ADCY2: variants seen among roughly 807,000 people sequenced by gnomAD.
ADCY2 encodes the protein adenylate cyclase 2, also known as adenylate cyclase type 2.
Under a neutral mutation model 125.2 loss-of-function variants are expected in ADCY2, and 31 were observed. That is an observed-to-expected ratio of 0.25 (90% CI 0.19 to 0.33). ADCY2 has a LOEUF of 0.33. Among genes scored for constraint, ADCY2 ranks in the 10% least tolerant of loss-of-function variants. ADCY2 has a pLI of 1.00. For synonymous variants in ADCY2, 512 were observed against 548.4 expected, an observed-to-expected ratio of 0.93 and a Z score of 0.93; for missense variants, 904 against 1,418.2, an observed-to-expected ratio of 0.64 and a Z score of 5.82.
chr5:7,497,509 G>A (rs1359365195), intron 2 of ADCY2, among the ~76,000 whole-genome samples: 9 of 151,732 alleles, frequency 5.9e-5, no homozygotes, highest in Admixed American at 2.6e-4. Context: ...TAGTTGAGGC[G>A]GCCTCATAAT....
At chr5:7,589,518 A>AGAAAAG (rs199516495) in intron 3 of ADCY2, among the ~76,000 whole-genome samples, 24 of 98,420 alleles carry the variant, frequency 2.4e-4, no homozygotes, top group African/African-American at 7.7e-4. Context: ...AAGAAAAGAA[A>AGAAAAG]AGAAAGAGAA....
chr5:7,706,420 G>A (rs1412766488), intron 7 of ADCY2, among the ~76,000 whole-genome samples: 1 of 152,202 alleles, frequency 6.6e-6, no homozygotes, highest in Non-Finnish European at 1.5e-5. Context: ...CGTGATTCTA[G>A]TATGAAAATG....
At chr5:7,790,941 G>A (rs1371178384) in intron 20 of ADCY2, among the ~76,000 whole-genome samples, 3 of 152,108 alleles carry the variant, frequency 2.0e-5, no homozygotes, top group South Asian at 2.1e-4. Flanking sequence ...TGCTTGAGCC[G>A]AGGGATGATT....
intron 18 of ADCY2, among the ~76,000 whole-genome samples, chr5:7,780,416 G>A (rs1743880945): frequency 6.6e-6 from 1 of 152,154 alleles, no homozygotes; most frequent in African/African-American, 2.4e-5. Context: ...ACAAAGCCAG[G>A]CATTTTCTAA....
rs554247129 is a variant in ADCY2 at position 7,767,773 on chromosome 5, G to A, written c.2214+967G>A. ...GGGCCAGGCGGGGTGGCTCACACCT[G>A]TAATCTCAGCACTTTGGGAGTCCGA... On this transcript the variant is annotated intron_variant, in intron 17 of 24. Transcript: ENST00000338316. Among the ~76,000 whole-genome samples, 12 of 152,236 alleles carry A rather than the reference G, an allele frequency of 7.9e-5. No homozygotes were observed. In the East Asian group the frequency reaches 2.1e-3, roughly 27 times the overall value.
chr5:7,747,768 T>C (rs1262225189), intron 15 of ADCY2, among the ~76,000 whole-genome samples: 1 of 152,258 alleles, frequency 6.6e-6, no homozygotes, highest in Non-Finnish European at 1.5e-5. Context: ...TTATTACTTT[T>C]ATTCTTGTGG....
intron 3 of ADCY2, among the ~76,000 whole-genome samples, chr5:7,593,128 A>T (rs1310073895): frequency 6.6e-6 from 1 of 152,140 alleles, no homozygotes; most frequent in Non-Finnish European, 1.5e-5. Context: ...CCTCTGGGGG[A>T]TGAGCGCAAA....
At chr5:7,614,157 A>G (rs756350120) in intron 3 of ADCY2, among the ~76,000 whole-genome samples, 1 of 152,250 alleles carries the variant, frequency 6.6e-6, no homozygotes, top group African/African-American at 2.4e-5. Flanking sequence ...CATGAGTGTC[A>G]ACAGAGACCC....
intron 7 of ADCY2, among the ~76,000 whole-genome samples, chr5:7,703,372 T>C (rs1741154281): frequency 6.6e-6 from 1 of 152,206 alleles, no homozygotes; most frequent in Non-Finnish European, 1.5e-5. Context: ...AACATTTAAG[T>C]CTTTAATCCA....
intron 9 of ADCY2, among the ~76,000 whole-genome samples, chr5:7,708,462 TCATTTCTTTTAA>T (rs1345205883): frequency 6.6e-6 from 1 of 152,202 alleles, no homozygotes; most frequent in Admixed American, 6.5e-5. Flanking sequence ...CTTAGAGTTC[TCATTTCTTTTAA>T]CCCTTCTCAA....
chr5:7,525,771 G>C (rs1351172108), intron 3 of ADCY2, among the ~76,000 whole-genome samples: 1 of 152,070 alleles, frequency 6.6e-6, no homozygotes, highest in African/African-American at 2.4e-5. Context: ...TTCAATTGCA[G>C]CTCCCTTGAT....
chr5:7,495,398 T>C (rs1743310023), intron 2 of ADCY2, among the ~76,000 whole-genome samples: 1 of 152,196 alleles, frequency 6.6e-6, no homozygotes. Flanking sequence ...ACTCTTAAGA[T>C]AGGATAAATT....
intron 4 of ADCY2, among the ~76,000 whole-genome samples, chr5:7,667,117 T>C (rs376706278): frequency 6.6e-6 from 1 of 152,128 alleles, no homozygotes; most frequent in African/African-American, 2.4e-5. Context: ...ATTCAGAGCA[T>C]ATGAGCAAAT....
chr5:7,793,545 T>C (rs2388804), intron 20 of ADCY2: 120,619 of 151,964 alleles, frequency 0.79, 48,460 homozygotes, highest in African/African-American at 0.87. Flanking sequence ...GCAGGCAGCA[T>C]GGCCTAACAG....
chr5:7,661,343 T>C (rs1356129425), intron 4 of ADCY2, among the ~76,000 whole-genome samples: 2 of 152,146 alleles, frequency 1.3e-5, no homozygotes, highest in Non-Finnish European at 2.9e-5. Context: ...ATATTTTTGG[T>C]AAGAGTCTTA....
At chr5:7,508,531 G>A (rs529507260) in intron 2 of ADCY2, among the ~76,000 whole-genome samples, 32 of 152,234 alleles carry the variant, frequency 2.1e-4, no homozygotes, top group Admixed American at 1.0e-3. Flanking sequence ...CTGTCTCATT[G>A]TGGAAATCCA....
intron 3 of ADCY2, among the ~76,000 whole-genome samples, chr5:7,545,064 G>A (rs542510978): frequency 3.3e-4 from 50 of 152,280 alleles, no homozygotes; most frequent in African/African-American, 9.9e-4. Context: ...GATGGGAGCC[G>A]TAGTCTGTGG....
intron 12 of ADCY2, among the ~76,000 whole-genome samples, chr5:7,723,852 C>G (rs1198151400): frequency 8.1e-6 from 1 of 123,264 alleles, no homozygotes; most frequent in Non-Finnish European, 1.6e-5. Context: ...ACCTGGGAGG[C>G]AGAGGTTGCA....
chr5:7,802,009 T>A lies in ADCY2; in HGVS notation c.2629-209T>A, dbSNP rs1744612225. On this transcript the variant is annotated intron_variant, in intron 20 of 24. Coordinates refer to ENST00000338316, the MANE Select transcript of ADCY2 (RefSeq NM_020546.3). This position sits in a 1 kb window ranked among gnomAD's most constrained non-coding sequence, Gnocchi z 4.6. Reference sequence around the variant, plus strand: ...AACTGGCAAGGCACCTCTTCTTAACTGGTAGTGGCCTGAATCCAGCTCATT... The same window carrying A: ...AACTGGCAAGGCACCTCTTCTTAACAGGTAGTGGCCTGAATCCAGCTCATT... The A allele has an allele frequency of 7.7e-6, 4 of 522,196 alleles. No individual in the cohort carries two copies. In the South Asian group the frequency reaches 1.3e-4, roughly 17 times the overall value. The allele number at this position is 522,196 out of a possible 1,614,324, so 32.3% of individuals were successfully genotyped here. A position where few individuals can be genotyped will look rare whatever the true frequency, so the allele number is the denominator to read the frequency against.
Sources: gnomAD v4.1 joint callset for allele counts (sites outside exome capture counted in the v4.1 genomes callset) on GRCh38, gnomAD v4.1.1 for gene constraint, Gnocchi (gnomAD v3.1) non-coding constraint, MANE v1.5 for transcripts, NCBI Gene and HGNC (gene_info 2026-07-23, HGNC 2026-07-21) for gene names.